Variants in RXYLT1 observed in about 807,000 individuals in gnomAD.
RXYLT1 encodes ribitol xylosyltransferase 1, also known as ribitol-5-phosphate xylosyltransferase 1.
Under a neutral mutation model 43.5 loss-of-function variants are expected in RXYLT1, and 41 were observed. The ratio of observed to expected loss-of-function variants is 0.94; its 90% CI spans 0.73 to 1.22. The LOEUF is 1.22. RXYLT1 is among the 50% of genes most tolerant of loss of function. The pLI is 0.00. For synonymous variants in RXYLT1, 166 were observed against 194.4 expected (o/e 0.85, Z 1.21); for missense variants, 514 against 532.0 (o/e 0.97, Z 0.33).
At chr12:63,792,336 G>A (rs1260960195) in intron 3 of RXYLT1, among the ~76,000 whole-genome samples, 1 of 152,192 alleles carries the variant, frequency 6.6e-6, no homozygotes, top group Non-Finnish European at 1.5e-5. Context: ...TGGTTTGACA[G>A]AAGACAGCTG....
chr12:63,801,861 G>A (rs924489654), intron 3 of RXYLT1, among the ~76,000 whole-genome samples: 5 of 151,884 alleles, frequency 3.3e-5, no homozygotes, highest in East Asian at 1.9e-4. Flanking sequence ...ATCACATTTT[G>A]TATTATCATA....
In RXYLT1 at chr12:63,809,104, A is replaced by G; in HGVS notation, c.*12A>G. On this transcript the variant is annotated 3_prime_UTR_variant, in exon 6 of 6. Coordinates refer to ENST00000261234, the MANE Select transcript of RXYLT1 (RefSeq NM_014254.3). ...ATAATAAAAGTTAATTATCTTTTTG[A>G]GCTAACATGTGATTTTTAAAATCAT... is the stretch of plus-strand genomic sequence containing the variant. The G allele has an allele frequency of 6.8e-7, 1 of 1,472,518 alleles. No individual in the cohort carries two copies. The highest frequency in any genetic ancestry group is 9.2e-7 in the Non-Finnish European group (1 of 1,092,896). 91.2% of individuals were successfully genotyped at this position (1,472,518 alleles called of 1,614,324 possible). A position where few individuals can be genotyped will look rare whatever the true frequency, so the allele number is the denominator to read the frequency against.
intron 3 of RXYLT1, among the ~76,000 whole-genome samples, chr12:63,800,156 A>G (rs1285182014): frequency 6.6e-6 from 1 of 152,230 alleles, no homozygotes; most frequent in African/African-American, 2.4e-5. Context: ...AGTTATGGAA[A>G]AACTTAAGCT....
At chr12:63,780,541 AT>A (rs2136219286) in intron 1 of RXYLT1, 3 of 1,016,174 alleles carry the variant, frequency 3.0e-6, no homozygotes, top group South Asian at 8.6e-5. Flanking sequence ...TTACCTCCAA[AT>A]TCTGGTCCCC....
At chr12:63,801,042 C>G (rs1375441975) in intron 3 of RXYLT1, among the ~76,000 whole-genome samples, 1 of 152,066 alleles carries the variant, frequency 6.6e-6, no homozygotes, top group African/African-American at 2.4e-5. Context: ...AAATTAAATA[C>G]TTTCAATAAG....
intron 3 of RXYLT1, among the ~76,000 whole-genome samples, chr12:63,797,602 A>C (rs1392080215): frequency 6.6e-6 from 1 of 152,198 alleles, no homozygotes; most frequent in Non-Finnish European, 1.5e-5. Context: ...GGGAGGATTG[A>C]GCAAGGGCCA....
At chr12:63,803,934 A>C (rs1592855067) in intron 4 of RXYLT1, 1 of 150,210 alleles carries the variant, frequency 6.7e-6, no homozygotes, top group Non-Finnish European at 1.5e-5. Flanking sequence ...GCTCTCTGCA[A>C]CCTCTGCCTC....
intron 2 of RXYLT1, among the ~76,000 whole-genome samples, chr12:63,783,248 G>A (rs1197251935): frequency 3.9e-5 from 6 of 152,100 alleles, no homozygotes; most frequent in Non-Finnish European, 8.8e-5. Flanking sequence ...ATCACTTGAG[G>A]CCAGGAGTTC....
intron 5 of RXYLT1, chr12:63,808,396 G>A: frequency 2.5e-6 from 1 of 405,218 alleles, no homozygotes; most frequent in South Asian, 2.9e-5. Flanking sequence ...GGGAAGAGAG[G>A]ACCTAGCACT....
At chr12:63,798,754 G>A (rs925174014) in intron 3 of RXYLT1, among the ~76,000 whole-genome samples, 3 of 152,172 alleles carry the variant, frequency 2.0e-5, no homozygotes, top group Non-Finnish European at 4.4e-5. Flanking sequence ...AAAAATGAGT[G>A]TGGAACAGGA....
chr12:63,800,349 TA>T (rs963776875), intron 3 of RXYLT1, among the ~76,000 whole-genome samples: 2 of 152,210 alleles, frequency 1.3e-5, no homozygotes, highest in Non-Finnish European at 2.9e-5. Flanking sequence ...CAAATGTTTT[TA>T]TCCCCAGCAG....
At position 63,808,765 on chromosome 12, in the gene RXYLT1, C is replaced by G. The variant is rs141150678; in HGVS notation, c.1005C>G (p.Asn335Lys). 2 of 1,613,238 alleles carry G rather than the reference C, an allele frequency of 1.2e-6. No individual in the cohort carries two copies. The highest frequency in any genetic ancestry group is 2.7e-5 in the African/African-American group (2 of 74,980). Residue 335 changes from asparagine (N) to lysine (K), a missense_variant, in exon 6 of 6, where the codon AAC becomes AAG. Transcript: ENST00000261234. ...SDLTLCPVGV[N>K]TECYRIYEAC... ...TCACATTGTGCCCGGTCGGAGTAAACACAGAATGCTATCGAATCTATGAGG... is the reference window on the plus strand; with the variant it reads ...TCACATTGTGCCCGGTCGGAGTAAAGACAGAATGCTATCGAATCTATGAGG...
At chr12:63,804,348 C>A (rs1363449409) in intron 4 of RXYLT1, 2 of 152,112 alleles carry the variant, frequency 1.3e-5, no homozygotes, top group African/African-American at 2.4e-5. Flanking sequence ...AAATTTTGTT[C>A]TCGTGTGAAA....
intron 4 of RXYLT1, 165 bp from the exon 5 acceptor site, chr12:63,805,069 G>A (rs944616785): frequency 4.2e-6 from 2 of 473,702 alleles, no homozygotes; most frequent in African/African-American, 4.0e-5. Flanking sequence ...TAAGTCAGTA[G>A]ATTCAGGGAG....
At chr12:63,782,104 A>G (rs1281679666) in intron 2 of RXYLT1, among the ~76,000 whole-genome samples, 1 of 151,896 alleles carries the variant, frequency 6.6e-6, no homozygotes, top group African/African-American at 2.4e-5. Context: ...TCTCTTTTCA[A>G]TCTGATAAGT....
intron 3 of RXYLT1, 51 bp downstream of exon 3, chr12:63,785,123 A>G: frequency 1.5e-6 from 2 of 1,328,216 alleles, no homozygotes; most frequent in Non-Finnish European, 2.1e-6. Flanking sequence ...TTTGCTCTGC[A>G]ATATTTTCTG....
At position 63,780,033 on chromosome 12, in the gene RXYLT1, T is replaced by C; in HGVS notation, c.73T>C (p.Tyr25His). The stretch of plus-strand genomic sequence containing the variant: ...CTGCCTATTCTCCCTCTACGCTGCC[T>C]ACCACGTCTTCTTCGGGCGCCGCCG... Reference protein sequence around the residue: ...LYCLFSLYAAYHVFFGRRRQA... With the variant: ...LYCLFSLYAAHHVFFGRRRQA... The change falls in exon 1 of 6, where the codon TAC becomes CAC. Residue 25 changes from tyrosine (Y) to histidine (H), a missense_variant. By Grantham distance (83) the Tyr-to-His change is moderately conservative. Coordinates refer to ENST00000261234, the MANE Select transcript of RXYLT1 (RefSeq NM_014254.3). 1 of 1,603,376 alleles carries C rather than the reference T, an allele frequency of 6.2e-7. No individual in the cohort carries two copies. Among genetic ancestry groups the C allele is most frequent in the Non-Finnish European group, 8.5e-7 (1 of 1,175,364 alleles).
Position 63,808,782 on chromosome 12 carries a change from T to C in RXYLT1, c.1022T>C (p.Ile341Thr). 6.2e-7 allele frequency: 1 copy of C among 1,613,568 alleles called. No individual in the cohort carries two copies. The highest frequency in any genetic ancestry group is 1.3e-5 in the African/African-American group (1 of 75,000). ...GGAGTAAACACAGAATGCTATCGAA[T>C]CTATGAGGCTTGCTCCTATGGCTCC... ...PVGVNTECYRIYEACSYGSIP... is the reference protein window; with the variant it reads ...PVGVNTECYRTYEACSYGSIP... The change falls in exon 6 of 6, where the codon ATC (isoleucine) becomes ACC (threonine). Residue 341 changes from isoleucine (I) to threonine (T), a missense_variant. Transcript: ENST00000261234.
At chr12:63,799,380 CTGCAGCCT>C (rs1754353848) in intron 3 of RXYLT1, among the ~76,000 whole-genome samples, 1 of 138,644 alleles carries the variant, frequency 7.2e-6, no homozygotes, top group South Asian at 2.3e-4. Context: ...TCTCAGCTCA[CTGCAGCCT>C]TGACTTCCTG....
Sources: gnomAD v4.1 joint callset for allele counts (sites outside exome capture counted in the v4.1 genomes callset) on GRCh38, gnomAD v4.1.1 for gene constraint, MANE v1.5 for transcripts, NCBI Gene and HGNC (gene_info 2026-07-23, HGNC 2026-07-21) for gene names.